LHFPL6: variants seen among roughly 807,000 people sequenced by gnomAD.
LHFPL6 encodes the protein LHFPL tetraspan subfamily member 6 protein.
Under a neutral mutation model 20.6 loss-of-function variants are expected in LHFPL6, and 9 were observed. The observed-to-expected ratio is 0.44, with a 90% CI of 0.26 to 0.76. The LOEUF (loss-of-function observed/expected upper bound fraction) is 0.76. Ranked by LOEUF, LHFPL6 falls within the 30% of genes least tolerant of loss-of-function variation. The pLI is 0.20. For missense variants in LHFPL6, 218 were observed against 253.5 expected, an observed-to-expected ratio of 0.86 and a Z score of 0.95; for synonymous variants, 105 against 98.7, an observed-to-expected ratio of 1.06 and a Z score of -0.38.
intron 1 of LHFPL6, 135 bp from the exon 2 acceptor site, chr13:39,601,525 C>A (rs1872948003): frequency 3.8e-6 from 1 of 264,416 alleles, no homozygotes; most frequent in Non-Finnish European, 7.1e-6. Flanking sequence ...AGAACTAATT[C>A]TCTCTATGAG....
At position 39,600,945 on chromosome 13, in the gene LHFPL6, A is replaced by G; in HGVS notation, c.272T>C (p.Leu91Pro). 6.2e-7 allele frequency: 1 copy of G among 1,608,520 alleles called. No homozygotes were observed. The highest frequency in any genetic ancestry group is 8.5e-7 in the Non-Finnish European group (1 of 1,176,250). The change falls in exon 2 of 4, where the codon CTG becomes CCG. Residue 91 changes from leucine (L) to proline (P), a missense_variant. By Grantham distance (98) the Leu-to-Pro change is moderately conservative. Transcript: ENST00000379589. Reference sequence around the variant, plus strand: ...CACCAGGAGGAGGAGGCCACAACCCAGGCCGGTCACTATGGTGCAGATCCT... The same window carrying G: ...CACCAGGAGGAGGAGGCCACAACCCGGGCCGGTCACTATGGTGCAGATCCT... ...EWRICTIVTG[L>P]GCGLLLLVAL...
chr13:39,480,617 C>T (rs1384502351), intron 2 of LHFPL6, among the ~76,000 whole-genome samples: 1 of 152,128 alleles, frequency 6.6e-6, no homozygotes. Flanking sequence ...CTGCTCATGT[C>T]CCTCCCTCTC....
At chr13:39,479,983 G>A (rs1190631994) in intron 2 of LHFPL6, among the ~76,000 whole-genome samples, 5 of 152,032 alleles carry the variant, frequency 3.3e-5, no homozygotes, top group Admixed American at 1.3e-4. Flanking sequence ...TTCTTTTTTC[G>A]ATCCACATTA....
chr13:39,543,465 C>T (rs1169951847), intron 2 of LHFPL6, among the ~76,000 whole-genome samples: 1 of 152,156 alleles, frequency 6.6e-6, no homozygotes, highest in East Asian at 1.9e-4. Context: ...AATAAGCACC[C>T]AATTAACAGC....
chr13:39,569,772 A>AAT (rs1356714382), intron 2 of LHFPL6, among the ~76,000 whole-genome samples: 2 of 152,260 alleles, frequency 1.3e-5, no homozygotes, highest in Non-Finnish European at 2.9e-5. Flanking sequence ...TTAATAAATT[A>AAT]ATATCTTCAC....
At chr13:39,446,851 C>T (rs189861333) in intron 2 of LHFPL6, among the ~76,000 whole-genome samples, 1 of 152,022 alleles carries the variant, frequency 6.6e-6, no homozygotes, top group African/African-American at 2.4e-5. Flanking sequence ...ATATCCAATC[C>T]CTCATAATCA....
At chr13:39,347,142 T>C (rs949814316) in intron 3 of LHFPL6, among the ~76,000 whole-genome samples, 5 of 148,288 alleles carry the variant, frequency 3.4e-5, no homozygotes, top group African/African-American at 1.2e-4. Context: ...GTCCTTCCTA[T>C]AGCCTATGAG....
In LHFPL6 at chr13:39,601,253, T is replaced by C. The variant is rs746756960; in HGVS notation, c.-37A>G. The C allele has an allele frequency of 1.5e-5, 24 of 1,571,986 alleles. No individual in the cohort carries two copies. The South Asian group carries it at 2.9e-4, about 19-fold the overall frequency. On this transcript the variant is annotated 5_prime_UTR_variant, in exon 2 of 4. Coordinates refer to ENST00000379589, the MANE Select transcript of LHFPL6 (RefSeq NM_005780.3). ...TAGGGCAATGAGGACCCCAAGTAAGTGTTCAGGGACTGCAGGAGTGAATGA... is the reference window on the plus strand; with the variant it reads ...TAGGGCAATGAGGACCCCAAGTAAGCGTTCAGGGACTGCAGGAGTGAATGA...
chr13:39,399,419 C>T (rs1870927195), intron 2 of LHFPL6, among the ~76,000 whole-genome samples: 1 of 152,152 alleles, frequency 6.6e-6, no homozygotes, highest in Non-Finnish European at 1.5e-5. Context: ...TTTTAATTAG[C>T]ATTTATTAGA....
intron 2 of LHFPL6, among the ~76,000 whole-genome samples, chr13:39,590,944 T>C (rs751538018): frequency 2.0e-5 from 3 of 152,190 alleles, no homozygotes; most frequent in African/African-American, 7.2e-5. Flanking sequence ...CTGGTGAAAC[T>C]AAGGGAAGTA....
chr13:39,590,881 A>C (rs1479742156), intron 2 of LHFPL6, among the ~76,000 whole-genome samples: 1 of 152,212 alleles, frequency 6.6e-6, no homozygotes, highest in Admixed American at 6.5e-5. Context: ...TAGTGAGGTT[A>C]ACTAATCCAT....
intron 2 of LHFPL6, among the ~76,000 whole-genome samples, chr13:39,464,518 T>C (rs923227057): frequency 1.3e-5 from 2 of 152,190 alleles, no homozygotes; most frequent in Admixed American, 1.3e-4. Flanking sequence ...AGAGAACACA[T>C]GTAAAAAACA....
intron 3 of LHFPL6, among the ~76,000 whole-genome samples, chr13:39,374,023 G>T (rs1003651611): frequency 6.6e-6 from 1 of 152,070 alleles, no homozygotes; most frequent in Non-Finnish European, 1.5e-5. Flanking sequence ...CCCATTACTG[G>T]ATATATATAC....
intron 2 of LHFPL6, among the ~76,000 whole-genome samples, chr13:39,599,582 C>A (rs997025760): frequency 2.6e-5 from 4 of 152,182 alleles, no homozygotes; most frequent in Admixed American, 1.3e-4. Flanking sequence ...TGGGAAAAAA[C>A]CCAAATGAGA....
chr13:39,562,537 TACACATATAC>T (rs1871550189), intron 2 of LHFPL6, among the ~76,000 whole-genome samples: 1 of 134,122 alleles, frequency 7.5e-6, no homozygotes, highest in South Asian at 2.2e-4. Flanking sequence ...TACACATATA[TACACATATAC>T]ATATATACAC....
chr13:39,539,122 AT>A (rs1203477166), intron 2 of LHFPL6, among the ~76,000 whole-genome samples: 1 of 152,210 alleles, frequency 6.6e-6, no homozygotes, highest in Non-Finnish European at 1.5e-5. Context: ...GGCCCTTTCA[AT>A]TAAAAAATAG....
intron 2 of LHFPL6, among the ~76,000 whole-genome samples, chr13:39,572,296 G>C (rs1297908804): frequency 7.2e-4 from 96 of 134,112 alleles, no homozygotes; most frequent in African/African-American, 3.0e-3. Context: ...CTCTGTGTGT[G>C]TGTGTGTGTG....
At chr13:39,382,223 A>G (rs144930105) in intron 2 of LHFPL6, among the ~76,000 whole-genome samples, 35 of 152,232 alleles carry the variant, frequency 2.3e-4, no homozygotes, top group African/African-American at 8.2e-4. Flanking sequence ...TCCTATGGTA[A>G]ATTTTAAAAT....
intron 2 of LHFPL6, among the ~76,000 whole-genome samples, chr13:39,518,553 C>T (rs958702189): frequency 5.9e-5 from 9 of 152,118 alleles, no homozygotes; most frequent in Non-Finnish European, 1.3e-4. Flanking sequence ...TTGTTAACTT[C>T]ATATGTTTGT....
Sources: gnomAD v4.1 joint callset for allele counts (sites outside exome capture counted in the v4.1 genomes callset) on GRCh38, gnomAD v4.1.1 for gene constraint, MANE v1.5 for transcripts, NCBI Gene and HGNC (gene_info 2026-07-23, HGNC 2026-07-21) for gene names.